The following KIF13A variants were observed in gnomAD, a reference collection of about 807,000 sequenced individuals.
KIF13A encodes the protein kinesin-like protein KIF13A.
KIF13A carries 79 observed loss-of-function variants against 212.2 expected under a neutral mutation model. The ratio of observed to expected loss-of-function variants is 0.37; its 90% CI spans 0.31 to 0.45. KIF13A has a LOEUF of 0.45. Among genes scored for constraint, KIF13A ranks in the 20% least tolerant of loss-of-function variants. KIF13A has a pLI of 1.00. For synonymous variants in KIF13A, 789 were observed against 808.6 expected (o/e 0.98, Z 0.41); for missense variants, 1,901 against 2,209.0 (o/e 0.86, Z 2.79).
intron 2 of KIF13A, among the ~76,000 whole-genome samples, chr6:17,913,725 G>C (rs1251075024): frequency 2.0e-5 from 3 of 152,136 alleles, no homozygotes; most frequent in East Asian, 3.9e-4. Context: ...AATCCACCGA[G>C]GGGGGATTGA....
At position 17,987,437 on chromosome 6, in the gene KIF13A, G is replaced by T. The variant is rs544650357; in HGVS notation, c.27C>A (p.Ala9=). Residue 9 remains alanine, a synonymous_variant, in exon 1 of 39, where the codon GCC becomes GCA. Coordinates refer to ENST00000259711, the MANE Select transcript of KIF13A (RefSeq NM_022113.6). The surrounding 1 kb of genome is among the most constrained non-coding windows in gnomAD (Gnocchi z 7.7). MSDTKVKV[A]VRVRPMNRRE... The stretch of plus-strand genomic sequence containing the variant: ...GTCGGTTCATGGGCCGGACCCGGAC[G>T]GCAACTTTTACCTTGGTATCCGACA... 2.2e-6 allele frequency: 3 copies of T among 1,345,996 alleles called. No individual in the cohort carries two copies. Among genetic ancestry groups the T allele is most frequent in the Non-Finnish European group, 2.9e-6 (3 of 1,018,152 alleles). 83.4% of individuals were successfully genotyped at this position (1,345,996 alleles called of 1,614,324 possible).
At position 17,850,175 on chromosome 6, in the gene KIF13A, T is replaced by C; in HGVS notation, c.717+148A>G. Reference sequence around the variant, plus strand: ...AAATATAAAGAAAGACCTAACAAATTAAATGATAAGCAAAGTAGCTCACCT... The same window carrying C: ...AAATATAAAGAAAGACCTAACAAATCAAATGATAAGCAAAGTAGCTCACCT... On this transcript the variant is annotated intron_variant, in intron 8 of 38. Transcript: ENST00000259711. This position sits in a 1 kb window ranked among gnomAD's most constrained non-coding sequence, Gnocchi z 6.2. The C allele has an allele frequency of 1.3e-6, 1 of 792,474 alleles. No homozygotes were observed. The highest frequency in any genetic ancestry group is 1.8e-6 in the Non-Finnish European group (1 of 540,580). 49.1% of individuals were successfully genotyped at this position (792,474 alleles called of 1,614,324 possible).
chr6:17,884,857 C>T (rs1224546505), intron 3 of KIF13A, among the ~76,000 whole-genome samples: 1 of 152,198 alleles, frequency 6.6e-6, no homozygotes, highest in Non-Finnish European at 1.5e-5. Flanking sequence ...TGAAAAGCCC[C>T]ATTTCTCCAG....
At position 17,779,583 on chromosome 6, in the gene KIF13A, A is replaced by G. The variant is rs772995662; in HGVS notation, c.3939+9T>C. ...CACTGCGCCCGGCCTAAAGTAGCAT[A>G]TATTTTACCTTTGGTATATTGGATA... On this transcript the variant is annotated intron_variant, in intron 32 of 38. Coordinates refer to ENST00000259711, the MANE Select transcript of KIF13A (RefSeq NM_022113.6). The G allele has an allele frequency of 2.4e-6, 3 of 1,251,260 alleles. No homozygotes were observed. Among genetic ancestry groups the G allele is most frequent in the Non-Finnish European group, 3.4e-6 (3 of 871,012 alleles). The allele number at this position is 1,251,260 out of a possible 1,614,324, so 77.5% of individuals were successfully genotyped here.
chr6:17,780,668 A>G (rs1021190657), intron 31 of KIF13A, 62 bp downstream of exon 31: 16 of 1,490,108 alleles, frequency 1.1e-5, no homozygotes, highest in Admixed American at 1.7e-5. Context: ...GCTTTGTGAT[A>G]GAGAGAGGGA....
At chr6:17,952,828 G>T (rs1228815987) in intron 2 of KIF13A, among the ~76,000 whole-genome samples, 21 of 152,102 alleles carry the variant, frequency 1.4e-4, no homozygotes, top group Admixed American at 1.4e-3. Flanking sequence ...TACTCAGGAG[G>T]CTGAGGCAGG....
chr6:17,898,593 G>A lies in KIF13A; in HGVS notation c.147-413C>T, dbSNP rs1306712881. On this transcript the variant is annotated intron_variant, in intron 2 of 38. Transcript: ENST00000259711. The surrounding 1 kb of genome is among the most constrained non-coding windows in gnomAD (Gnocchi z 5.2). ...TTCTTAAATTTTTGTTAAAATATAT[G>A]CATATTTTCCTTTGATAAATACATA... Among the ~76,000 whole-genome samples the A allele has an allele frequency of 6.6e-6, 1 of 151,828 alleles. No homozygotes were observed. The highest frequency in any genetic ancestry group is 1.5e-5 in the Non-Finnish European group (1 of 67,958).
chr6:17,951,574 A>T lies in KIF13A; in HGVS notation c.146+35480T>A, dbSNP rs1581830437. 2.4e-6 allele frequency: 1 copy of T among 412,304 alleles called. No individual in the cohort carries two copies. The highest frequency in any genetic ancestry group is 4.3e-6 in the Non-Finnish European group (1 of 232,654). 25.5% of individuals were successfully genotyped at this position (412,304 alleles called of 1,614,324 possible). ...ACCACAACTGCAGAACATTCTCAAT[A>T]CCCCCCTCAAAAAATGCCATATCCA... On this transcript the variant is annotated intron_variant, in intron 2 of 38. Coordinates refer to ENST00000259711, the MANE Select transcript of KIF13A (RefSeq NM_022113.6). This position sits in a 1 kb window ranked among gnomAD's most constrained non-coding sequence, Gnocchi z 4.9.
intron 3 of KIF13A, among the ~76,000 whole-genome samples, chr6:17,888,000 C>T (rs1333039192): frequency 3.3e-5 from 5 of 151,912 alleles, no homozygotes; most frequent in Non-Finnish European, 7.4e-5. Context: ...GCCACTGGGC[C>T]CAGCCCCTGC....
At position 17,831,079 on chromosome 6, in the gene KIF13A, ATGTATT is replaced by A; in HGVS notation, c.1401+16_1401+21del. On this transcript the variant is annotated intron_variant, in intron 13 of 38. Coordinates refer to ENST00000259711, the MANE Select transcript of KIF13A (RefSeq NM_022113.6). ...GTATAGGAATGAATCTTGATTGCAT[ATGTATT>A]TATATGTTCTCCTACCTTTAAATAA... The A allele has an allele frequency of 6.3e-7, 1 of 1,600,000 alleles. No individual in the cohort carries two copies. Among genetic ancestry groups the A allele is most frequent in the Non-Finnish European group, 8.5e-7 (1 of 1,173,080 alleles).
Position 17,899,685 on chromosome 6 carries a change from G to A in KIF13A, c.147-1505C>T, listed in dbSNP as rs1232978109. On this transcript the variant is annotated intron_variant, in intron 2 of 38. Transcript: ENST00000259711. The surrounding 1 kb of genome is among the most constrained non-coding windows in gnomAD (Gnocchi z 5.2). ...TTGCCTTATGTCATTCCCTCAGACA[G>A]ACACAATGGGAATGTGATTTTTGTC... Among the ~76,000 whole-genome samples, 1 of 152,220 alleles carries A rather than the reference G, an allele frequency of 6.6e-6. No individual in the cohort carries two copies. Among genetic ancestry groups the A allele is most frequent in the Non-Finnish European group, 1.5e-5 (1 of 68,036 alleles).
intron 25 of KIF13A, among the ~76,000 whole-genome samples, chr6:17,793,377 T>C (rs1175994778): frequency 1.3e-5 from 2 of 151,978 alleles, no homozygotes; most frequent in African/African-American, 4.8e-5. Flanking sequence ...CAACCGCGCC[T>C]GGCCAAGTTC....
chr6:17,935,241 C>T (rs942706629), intron 2 of KIF13A, among the ~76,000 whole-genome samples: 3 of 152,120 alleles, frequency 2.0e-5, no homozygotes, highest in Non-Finnish European at 4.4e-5. Flanking sequence ...GAAACACTGT[C>T]CTTGGCAAAG....
rs1489169216 is a variant in KIF13A at position 17,825,297 on chromosome 6, G to T, written c.1786+471C>A. ...CTATCATTTTTGTAAAAGTGATCTG[G>T]GCTTATTAAATAAATATCTTTGGGG... On this transcript the variant is annotated intron_variant, in intron 16 of 38. Transcript: ENST00000259711. This position sits in a 1 kb window ranked among gnomAD's most constrained non-coding sequence, Gnocchi z 4.5. Among the ~76,000 whole-genome samples, 2 of 152,090 alleles carry T rather than the reference G, an allele frequency of 1.3e-5. No individual in the cohort carries two copies. The highest frequency in any genetic ancestry group is 2.4e-5 in the African/African-American group (1 of 41,416).
chr6:17,829,657 C>A lies in KIF13A; in HGVS notation c.1402-1287G>T, dbSNP rs933915741. Among the ~76,000 whole-genome samples the A allele has an allele frequency of 1.3e-5, 2 of 152,028 alleles. No homozygotes were observed. Among genetic ancestry groups the A allele is most frequent in the Non-Finnish European group, 2.9e-5 (2 of 68,018 alleles). On this transcript the variant is annotated intron_variant, in intron 13 of 38. Transcript: ENST00000259711. The surrounding 1 kb of genome is among the most constrained non-coding windows in gnomAD (Gnocchi z 5.4). The stretch of plus-strand genomic sequence containing the variant: ...AATAGTTTAATAACTATAATAATAC[C>A]TCCCTATTTGACAGAGAAAGTATAA...
intron 2 of KIF13A, among the ~76,000 whole-genome samples, chr6:17,972,142 C>T (rs1022883523): frequency 6.6e-6 from 1 of 152,156 alleles, no homozygotes; most frequent in Non-Finnish European, 1.5e-5. Flanking sequence ...AAAGGAGATG[C>T]TTAAAAGTGG....
rs1370258646 is a variant in KIF13A at position 17,809,662 on chromosome 6, C to T, written c.2001-732G>A. 1.3e-5 allele frequency among the ~76,000 whole-genome samples: 2 copies of T among 152,132 alleles called. No individual in the cohort carries two copies. The highest frequency in any genetic ancestry group is 1.9e-4 in the East Asian group (1 of 5,190). On this transcript the variant is annotated intron_variant, in intron 17 of 38. Transcript: ENST00000259711. The surrounding 1 kb of genome is among the most constrained non-coding windows in gnomAD (Gnocchi z 4.7). ...GCTCCTGGCCAAGTGCATGACCCAT[C>T]GTAGGATATTCAAAAAAGACCCACT... is the stretch of plus-strand genomic sequence containing the variant.
intron 9 of KIF13A, among the ~76,000 whole-genome samples, chr6:17,841,260 T>C (rs1766476972): frequency 6.6e-6 from 1 of 152,030 alleles, no homozygotes; most frequent in Non-Finnish European, 1.5e-5. Context: ...AGAAGGGGCC[T>C]CACTTTGTTG....
Position 17,794,734 on chromosome 6 carries a change from C to G in KIF13A, c.2943-30G>C. The G allele has an allele frequency of 6.3e-7, 1 of 1,597,104 alleles. No individual in the cohort carries two copies. The highest frequency in any genetic ancestry group is 8.5e-7 in the Non-Finnish European group (1 of 1,174,638). On this transcript the variant is annotated intron_variant, in intron 23 of 38. Transcript: ENST00000259711. The surrounding 1 kb of genome is among the most constrained non-coding windows in gnomAD (Gnocchi z 4.1). Reference sequence around the variant, plus strand: ...AGAAACACATTCCAACAAGCAAGAGCGTCATCGTCCAGGGATACTGTTAGT... The same window carrying G: ...AGAAACACATTCCAACAAGCAAGAGGGTCATCGTCCAGGGATACTGTTAGT...
Sources: gnomAD v4.1 joint callset for allele counts (sites outside exome capture counted in the v4.1 genomes callset) on GRCh38, gnomAD v4.1.1 for gene constraint, Gnocchi (gnomAD v3.1) non-coding constraint, MANE v1.5 for transcripts, NCBI Gene and HGNC (gene_info 2026-07-23, HGNC 2026-07-21) for gene names.